Variants in DCC observed in about 807,000 individuals in gnomAD.
The protein encoded by DCC is DCC netrin 1 receptor.
A neutral mutation model predicts 172.5 loss-of-function variants in DCC; 58 were observed. The observed-to-expected ratio is 0.34, with a 90% CI of 0.27 to 0.42. The LOEUF (loss-of-function observed/expected upper bound fraction) is 0.42, where lower values mean the gene tolerates loss of function less well. Among genes scored for constraint, DCC ranks in the 10% least tolerant of loss-of-function variants. The pLI, the probability that DCC is intolerant of heterozygous loss-of-function variation, is 1.00. For missense variants in DCC, 1,740 were observed against 1,791.0 expected, an observed-to-expected ratio of 0.97 and a Z score of 0.51; for synonymous variants, 709 against 644.5, an observed-to-expected ratio of 1.10 and a Z score of -1.52.
chr18:52,731,111 T>C (rs906845253), intron 1 of DCC, among the ~76,000 whole-genome samples: 2 of 152,224 alleles, frequency 1.3e-5, no homozygotes, highest in Non-Finnish European at 2.9e-5. Context: ...GTCTATTATG[T>C]GGTCCTGATA....
At chr18:52,362,326 G>A (rs1311864154) in intron 1 of DCC, among the ~76,000 whole-genome samples, 1 of 152,240 alleles carries the variant, frequency 6.6e-6, no homozygotes, top group Non-Finnish European at 1.5e-5. Flanking sequence ...GAGCTGGGAA[G>A]TCACAGGACT....
intron 12 of DCC, among the ~76,000 whole-genome samples, chr18:53,281,352 A>C (rs570532530): frequency 6.6e-6 from 1 of 152,188 alleles, no homozygotes; most frequent in East Asian, 1.9e-4. Context: ...CTCTTTTCTG[A>C]TTTTAACAGA....
chr18:52,458,783 A>T (rs1272226992), intron 1 of DCC, among the ~76,000 whole-genome samples: 1 of 152,224 alleles, frequency 6.6e-6, no homozygotes, highest in Non-Finnish European at 1.5e-5. Flanking sequence ...TACAGTTTTT[A>T]AAAATTCTCT....
chr18:53,269,575 A>G (rs1011877112), intron 12 of DCC, among the ~76,000 whole-genome samples: 1 of 152,226 alleles, frequency 6.6e-6, no homozygotes, highest in East Asian at 1.9e-4. Context: ...ATTAATGGCA[A>G]TTACATTAAT....
intron 9 of DCC, among the ~76,000 whole-genome samples, chr18:53,188,179 A>T (rs1474616033): frequency 6.6e-6 from 1 of 152,208 alleles, no homozygotes; most frequent in African/African-American, 2.4e-5. Flanking sequence ...AACCATTGAA[A>T]TGTGCAACCA....
At chr18:52,635,803 A>T (rs975771544) in intron 1 of DCC, among the ~76,000 whole-genome samples, 1 of 138,234 alleles carries the variant, frequency 7.2e-6, no homozygotes, top group Non-Finnish European at 1.6e-5. Flanking sequence ...CTAATTCATA[A>T]CTAGAATTAA....
At chr18:53,513,063 A>C (rs951221771) in intron 27 of DCC, among the ~76,000 whole-genome samples, 1 of 152,194 alleles carries the variant, frequency 6.6e-6, no homozygotes, top group Admixed American at 6.5e-5. Context: ...GCCAGAGAGA[A>C]AGGTCGGGTT....
intron 15 of DCC, among the ~76,000 whole-genome samples, chr18:53,343,331 A>G (rs2057684222): frequency 6.6e-6 from 1 of 152,010 alleles, no homozygotes; most frequent in South Asian, 2.1e-4. Flanking sequence ...GATTAAAGAA[A>G]TGCTATACTC....
intron 25 of DCC, among the ~76,000 whole-genome samples, chr18:53,479,304 T>A (rs1412909860): frequency 6.6e-6 from 1 of 152,188 alleles, no homozygotes; most frequent in Admixed American, 6.5e-5. Flanking sequence ...CCTCTTACTC[T>A]GAATTACTGA....
At chr18:52,431,204 T>A (rs1187897861) in intron 1 of DCC, among the ~76,000 whole-genome samples, 1 of 152,164 alleles carries the variant, frequency 6.6e-6, no homozygotes, top group African/African-American at 2.4e-5. Context: ...CCCAGCAAGC[T>A]GCACTTTTAC....
intron 12 of DCC, among the ~76,000 whole-genome samples, chr18:53,235,904 CAT>C (rs1165204191): frequency 2.0e-5 from 3 of 152,206 alleles, no homozygotes; most frequent in African/African-American, 7.2e-5. Context: ...CTTATTTTGA[CAT>C]GTTTCTGAGA....
intron 12 of DCC, among the ~76,000 whole-genome samples, chr18:53,235,695 T>C (rs979972614): frequency 1.3e-5 from 2 of 152,118 alleles, no homozygotes; most frequent in Non-Finnish European, 2.9e-5. Flanking sequence ...ATTCATAGTT[T>C]TGTAACCATC....
chr18:53,200,484 C>A (rs530152759), intron 9 of DCC, among the ~76,000 whole-genome samples: 1 of 152,124 alleles, frequency 6.6e-6, no homozygotes, highest in Non-Finnish European at 1.5e-5. Context: ...TTGTGCATAT[C>A]CTTGTGGAAA....
intron 27 of DCC, among the ~76,000 whole-genome samples, chr18:53,507,069 T>C (rs1222373005): frequency 2.0e-5 from 3 of 147,508 alleles, no homozygotes; most frequent in Non-Finnish European, 4.5e-5. Flanking sequence ...TAAGGGTAGA[T>C]ATTCTCCCTT....
intron 2 of DCC, among the ~76,000 whole-genome samples, chr18:52,896,213 C>A (rs1271232868): frequency 3.3e-5 from 5 of 152,146 alleles, no homozygotes; most frequent in Non-Finnish European, 7.4e-5. Context: ...AAGGTCCTAT[C>A]TCATTTTTGT....
At chr18:53,215,726 C>T in intron 12 of DCC, 129 bp downstream of exon 12, 2 of 787,348 alleles carry the variant, frequency 2.5e-6, no homozygotes, top group South Asian at 2.8e-5. Flanking sequence ...TCTGGAACAA[C>T]ACAGCAAGTG....
chr18:52,554,194 A>G (rs2032850118), intron 1 of DCC, among the ~76,000 whole-genome samples: 1 of 152,106 alleles, frequency 6.6e-6, no homozygotes, highest in Non-Finnish European at 1.5e-5. Context: ...AAAATGGCAG[A>G]TATAAACTCT....
intron 5 of DCC, among the ~76,000 whole-genome samples, chr18:52,946,478 T>C (rs1175025778): frequency 2.0e-5 from 3 of 152,154 alleles, no homozygotes; most frequent in African/African-American, 7.2e-5. Flanking sequence ...ATTTTTTTTT[T>C]CTCAAGATGA....
At chr18:52,589,152 T>C (rs1364921699) in intron 1 of DCC, among the ~76,000 whole-genome samples, 1 of 152,204 alleles carries the variant, frequency 6.6e-6, no homozygotes, top group Non-Finnish European at 1.5e-5. Context: ...GAGCTTCAAA[T>C]ACTTTTTTAG....
Sources: allele counts gnomAD v4.1 joint callset (sites outside exome capture counted in the v4.1 genomes callset), GRCh38; gene constraint gnomAD v4.1.1; transcripts MANE v1.5; gene names NCBI Gene and HGNC (gene_info 2026-07-23, HGNC 2026-07-21).